LRRC49: variants seen among roughly 807,000 people sequenced by gnomAD.
LRRC49 encodes the protein leucine-rich repeat-containing protein 49.
A neutral mutation model predicts 83.3 loss-of-function variants in LRRC49; 50 were observed. That is an observed-to-expected ratio of 0.60 (90% CI 0.48 to 0.76). The LOEUF (loss-of-function observed/expected upper bound fraction) is 0.76. Ranked by LOEUF, LRRC49 falls within the 30% of genes least tolerant of loss-of-function variation. LRRC49 has a pLI of 0.00. For missense variants in LRRC49, 704 were observed against 809.1 expected (o/e 0.87, Z 1.58); for synonymous variants, 286 against 283.3 (o/e 1.01, Z -0.10).
intron 1 of LRRC49, among the ~76,000 whole-genome samples, chr15:70,871,433 C>G (rs1055733051): frequency 3.9e-5 from 6 of 152,212 alleles, no homozygotes; most frequent in Non-Finnish European, 5.9e-5. Context: ...AAACCCCCAT[C>G]GTCATCATGG....
At position 70,866,236 on chromosome 15, in the gene LRRC49, C is replaced by T. The variant is rs558519960; in HGVS notation, c.-298-6672C>T. Among the ~76,000 whole-genome samples, 35 of 152,070 alleles carry T rather than the reference C, an allele frequency of 2.3e-4. No homozygotes were observed. In the South Asian group the frequency reaches 7.1e-3, roughly 31 times the overall value. ...GATCTTGGCTCACTGCAACCTCTGC[C>T]TCCGGGTTCAGGTGATTCTCCTGCC... On this transcript the variant is annotated intron_variant, in intron 1 of 16. Coordinates refer to the LRRC49 transcript ENST00000544974.
At chr15:70,869,957 T>TAAAA (rs528689729) in intron 1 of LRRC49, among the ~76,000 whole-genome samples, 1 of 148,316 alleles carries the variant, frequency 6.7e-6, no homozygotes, top group Non-Finnish European at 1.5e-5. Context: ...GAGCTGCAGC[T>TAAAA]AAAAAAAAAA....
At chr15:71,047,320 A>G (rs1402599057) in intron 15 of LRRC49, among the ~76,000 whole-genome samples, 1 of 152,238 alleles carries the variant, frequency 6.6e-6, no homozygotes, top group Non-Finnish European at 1.5e-5. Context: ...ATCCATCAGC[A>G]GGGAATGTTT....
intron 8 of LRRC49, among the ~76,000 whole-genome samples, chr15:70,943,947 A>G (rs2035914242): frequency 6.6e-6 from 1 of 152,200 alleles, no homozygotes; most frequent in Non-Finnish European, 1.5e-5. Flanking sequence ...GCCCCACTGG[A>G]GCCTGGCTAG....
intron 7 of LRRC49, among the ~76,000 whole-genome samples, chr15:70,920,272 T>C (rs938887967): frequency 2.6e-5 from 4 of 152,080 alleles, no homozygotes; most frequent in South Asian, 2.1e-4. Flanking sequence ...ATCGTACAGA[T>C]TGGTTTTATT....
In LRRC49 at chr15:70,926,280, T is replaced by C. The variant is rs140897304; in HGVS notation, c.711+7087T>C. On this transcript the variant is annotated intron_variant, in intron 7 of 15. Coordinates refer to ENST00000260382, the MANE Select transcript of LRRC49 (RefSeq NM_017691.5). ...TTTATTTAGAGATAGGGTCTCATTA[T>C]GTTGCCCAGGCTCGTTTTGAACTCC... 2.1e-3 allele frequency among the ~76,000 whole-genome samples: 322 copies of C among 152,332 alleles called. 3 individuals are homozygous for C. The highest frequency in any genetic ancestry group is 4.0e-3 in the Non-Finnish European group (273 of 68,020).
intron 8 of LRRC49, among the ~76,000 whole-genome samples, chr15:70,962,664 A>G (rs1466444473): frequency 6.6e-6 from 1 of 152,194 alleles, no homozygotes; most frequent in African/African-American, 2.4e-5. Context: ...ATAGAAGCCA[A>G]TTGAAAGAGC....
At chr15:70,986,293 A>C (rs1433353573) in intron 11 of LRRC49, among the ~76,000 whole-genome samples, 7 of 152,122 alleles carry the variant, frequency 4.6e-5, no homozygotes, top group African/African-American at 9.6e-5. Context: ...ATTTGTTTGT[A>C]TCCTCTTTTA....
rs2040011166 is a variant in LRRC49, at chr15:71,052,916, A to G, written c.*3304A>G. The G allele has an allele frequency of 6.6e-6, 1 of 152,224 alleles. No individual in the cohort carries two copies. Among genetic ancestry groups the G allele is most frequent in the Non-Finnish European group, 1.5e-5 (1 of 68,042 alleles). The allele number at this position is 152,224 out of a possible 1,614,324, so 9.4% of individuals were successfully genotyped here. A position where few individuals can be genotyped will look rare whatever the true frequency, so the allele number is the denominator to read the frequency against. On this transcript the variant is annotated 3_prime_UTR_variant, in exon 16 of 16. Coordinates refer to ENST00000260382, the MANE Select transcript of LRRC49 (RefSeq NM_017691.5). The stretch of plus-strand genomic sequence containing the variant: ...TTGTCATTATGCTGAGGAATAGCAA[A>G]TAAAAGATGAGAATTTCTCAACTGT...
chr15:70,859,917 T>A (rs2032747124), intron 1 of LRRC49: 2 of 768,406 alleles, frequency 2.6e-6, no homozygotes, highest in Non-Finnish European at 4.8e-6. Flanking sequence ...GAGAGCCGGC[T>A]GGAGTCTGGG....
chr15:71,023,544 C>T (rs987522501), intron 14 of LRRC49, among the ~76,000 whole-genome samples: 22 of 152,110 alleles, frequency 1.4e-4, no homozygotes, highest in Non-Finnish European at 1.5e-5. Flanking sequence ...GGGCAGTTGG[C>T]ACAACCCATG....
intron 3 of LRRC49, among the ~76,000 whole-genome samples, chr15:70,896,609 TG>T (rs533385771): frequency 2.0e-5 from 3 of 152,282 alleles, no homozygotes; most frequent in African/African-American, 7.2e-5. Context: ...CCTTCACATT[TG>T]AATCTTGGTT....
intron 6 of LRRC49, among the ~76,000 whole-genome samples, chr15:70,916,437 G>A (rs2034777352): frequency 6.6e-6 from 1 of 152,140 alleles, no homozygotes; most frequent in Admixed American, 6.6e-5. Context: ...TGGGATTACA[G>A]GCCCATGCCA....
intron 9 of LRRC49, among the ~76,000 whole-genome samples, chr15:70,975,507 A>G (rs536895765): frequency 1.3e-5 from 2 of 152,244 alleles, no homozygotes; most frequent in South Asian, 4.1e-4. Context: ...GCTGGCCAAC[A>G]TGACAAAACC....
At chr15:70,863,428 C>T (rs988269875) in intron 1 of LRRC49, among the ~76,000 whole-genome samples, 2 of 152,340 alleles carry the variant, frequency 1.3e-5, no homozygotes, top group Admixed American at 6.5e-5. Context: ...AACAAGACCC[C>T]ATCCTTTTCT....
At chr15:70,911,326 T>C (rs1333590201) in intron 5 of LRRC49, among the ~76,000 whole-genome samples, 1 of 152,232 alleles carries the variant, frequency 6.6e-6, no homozygotes, top group Non-Finnish European at 1.5e-5. Flanking sequence ...TGATGTGACA[T>C]TTAAACTCTC....
intron 13 of LRRC49, among the ~76,000 whole-genome samples, chr15:71,011,806 A>C (rs917250195): frequency 3.3e-5 from 5 of 152,172 alleles, no homozygotes; most frequent in African/African-American, 1.2e-4. Flanking sequence ...GCACTGATTC[A>C]TAGGTATGTT....
intron 14 of LRRC49, among the ~76,000 whole-genome samples, chr15:71,028,645 A>G (rs1489980237): frequency 6.6e-6 from 1 of 152,166 alleles, no homozygotes; most frequent in African/African-American, 2.4e-5. Context: ...GTATTCAGAG[A>G]TTCGACTTCT....
chr15:70,892,196 T>C (rs1244158213), upstream of LRRC49: 1 of 1,607,604 alleles, frequency 6.2e-7, no homozygotes, highest in East Asian at 2.2e-5. Context: ...CACGGCCCGG[T>C]CCTTGGGAAA....
Sources: allele counts gnomAD v4.1 joint callset (sites outside exome capture counted in the v4.1 genomes callset), GRCh38; gene constraint gnomAD v4.1.1; transcripts MANE v1.5; gene names NCBI Gene and HGNC (gene_info 2026-07-23, HGNC 2026-07-21).